The following TMEM245 variants were observed in gnomAD, a reference collection of about 807,000 sequenced individuals.
TMEM245 encodes the protein transmembrane protein 245, also known as protein CG-2.
In TMEM245, 69 loss-of-function variants were observed where a neutral mutation model predicts 101.2. The ratio of observed to expected loss-of-function variants is 0.68; its 90% confidence interval spans 0.56 to 0.83. The LOEUF (loss-of-function observed/expected upper bound fraction) is 0.83. Ranked by LOEUF, TMEM245 falls within the 40% of genes least tolerant of loss-of-function variation. The pLI, the probability that TMEM245 is intolerant of heterozygous loss-of-function variation, is 0.00. For synonymous variants in TMEM245, 537 were observed against 449.8 expected (o/e 1.19, Z -2.45); for missense variants, 1,075 against 1,092.8 (o/e 0.98, Z 0.23).
At chr9:109,068,121 A>G (rs1486037398) in intron 9 of TMEM245, among the ~76,000 whole-genome samples, 1 of 152,062 alleles carries the variant, frequency 6.6e-6, no homozygotes, top group Non-Finnish European at 1.5e-5. Flanking sequence ...TAATCCCAGC[A>G]CTTTGGTAGG....
chr9:109,076,147 G>A (rs1276105665), intron 8 of TMEM245, among the ~76,000 whole-genome samples: 2 of 152,100 alleles, frequency 1.3e-5, no homozygotes, highest in East Asian at 3.8e-4. Flanking sequence ...GTCCAACAAT[G>A]ATAGACTGGA....
At chr9:109,050,164 T>C (rs1348509717) in intron 14 of TMEM245, 119 bp downstream of exon 14, 2 of 1,154,470 alleles carry the variant, frequency 1.7e-6, no homozygotes, top group African/African-American at 1.6e-5. Context: ...ACCTTGAAAA[T>C]ACCAGAGTCC....
At chr9:109,082,063 G>A (rs1324370325) in intron 7 of TMEM245, among the ~76,000 whole-genome samples, 2 of 152,252 alleles carry the variant, frequency 1.3e-5, no homozygotes, top group South Asian at 2.1e-4. Context: ...TCTTAATTTA[G>A]ATCTGATTTA....
At chr9:109,047,129 T>C (rs1299000898) in intron 14 of TMEM245, among the ~76,000 whole-genome samples, 1 of 152,190 alleles carries the variant, frequency 6.6e-6, no homozygotes, top group Non-Finnish European at 1.5e-5. Context: ...CTCATAAAAA[T>C]CTATCAATTC....
rs1208712705 is a variant in TMEM245 at position 109,019,730 on chromosome 9, T to C, written c.*730A>G. 6.6e-6 allele frequency: 1 copy of C among 152,600 alleles called. No homozygotes were observed. The highest frequency in any genetic ancestry group is 2.4e-5 in the African/African-American group (1 of 41,434). The allele number at this position is 152,600 out of a possible 1,614,324, so 9.5% of individuals were successfully genotyped here. On this transcript the variant is annotated 3_prime_UTR_variant, in exon 18 of 18. Coordinates refer to ENST00000374586, the MANE Select transcript of TMEM245 (RefSeq NM_032012.4). Reference sequence around the variant, plus strand: ...TAACAGCATGAATTTTATCATACTGTTACCATTCATAGCAGCTTAATAAGT... The same window carrying C: ...TAACAGCATGAATTTTATCATACTGCTACCATTCATAGCAGCTTAATAAGT...
At chr9:109,068,710 TACA>T (rs1389485581) in intron 9 of TMEM245, among the ~76,000 whole-genome samples, 1 of 152,162 alleles carries the variant, frequency 6.6e-6, no homozygotes, top group Non-Finnish European at 1.5e-5. Context: ...ACTTGATACC[TACA>T]ACATCTTGGA....
chr9:109,102,252 T>C (rs1276040528), intron 3 of TMEM245, among the ~76,000 whole-genome samples: 1 of 151,988 alleles, frequency 6.6e-6, no homozygotes, highest in Non-Finnish European at 1.5e-5. Context: ...CACCAAAATA[T>C]AAAATAAAAT....
At chr9:109,063,379 C>G (rs1486308577) in intron 10 of TMEM245, among the ~76,000 whole-genome samples, 1 of 152,192 alleles carries the variant, frequency 6.6e-6, no homozygotes, top group East Asian at 1.9e-4. Context: ...CCTTGGCCTC[C>G]CAAAGTGCTT....
chr9:109,024,423 G>A (rs933319360), intron 17 of TMEM245, among the ~76,000 whole-genome samples: 8 of 152,152 alleles, frequency 5.3e-5, no homozygotes, highest in Non-Finnish European at 1.0e-4. Flanking sequence ...CTTACTATGC[G>A]CCAAGCACCA....
chr9:109,021,818 C>A (rs528966100), intron 17 of TMEM245, among the ~76,000 whole-genome samples: 5 of 151,888 alleles, frequency 3.3e-5, no homozygotes, highest in Admixed American at 2.0e-4. Flanking sequence ...CACCACCCCC[C>A]CAAAAAAAGC....
chr9:109,058,468 T>C (rs1828913067), intron 11 of TMEM245, among the ~76,000 whole-genome samples: 1 of 152,114 alleles, frequency 6.6e-6, no homozygotes, highest in Admixed American at 6.5e-5. Flanking sequence ...AAAATGGCTC[T>C]CATCTGTAAT....
chr9:109,051,542 C>T (rs1262332517), intron 12 of TMEM245, among the ~76,000 whole-genome samples: 4 of 152,074 alleles, frequency 2.6e-5, no homozygotes, highest in African/African-American at 9.7e-5. Context: ...AAACTATAAA[C>T]CTTTGTAGCG....
chr9:109,066,382 G>A (rs1407645173), intron 9 of TMEM245, among the ~76,000 whole-genome samples: 1 of 143,938 alleles, frequency 6.9e-6, no homozygotes, highest in African/African-American at 2.6e-5. Context: ...TTGAGCCCAG[G>A]AGGCAGACGT....
chr9:109,064,495 T>C lies in TMEM245; in HGVS notation c.1605A>G (p.Arg535=). ...SAANNVYQYG[R]EWITHKLHKI... is the part of the protein sequence containing the mutation. The stretch of plus-strand genomic sequence containing the variant: ...CCCTTACCTTGTGAGTTATCCATTC[T>C]CGTCCATACTGATACACGTTGTTAG... Residue 535 remains arginine, a synonymous_variant, in exon 10 of 18, where the codon CGA becomes CGG. Coordinates refer to ENST00000374586, the MANE Select transcript of TMEM245 (RefSeq NM_032012.4). 1 of 1,613,538 alleles carries C rather than the reference T, an allele frequency of 6.2e-7. No homozygotes were observed. Among genetic ancestry groups the C allele is most frequent in the Non-Finnish European group, 8.5e-7 (1 of 1,179,608 alleles).
At chr9:109,037,883 T>C (rs1479095733) in intron 15 of TMEM245, 134 bp downstream of exon 15, 3 of 589,452 alleles carry the variant, frequency 5.1e-6, no homozygotes, top group Non-Finnish European at 8.9e-6. Context: ...CTGTTCCTAA[T>C]GTGGACTAGA....
At chr9:109,096,762 G>C (rs565952723) in intron 3 of TMEM245, among the ~76,000 whole-genome samples, 1 of 152,198 alleles carries the variant, frequency 6.6e-6, no homozygotes, top group African/African-American at 2.4e-5. Context: ...TTTAATTACT[G>C]AACTGGCCTC....
At chr9:109,041,428 G>A (rs7023512) in intron 14 of TMEM245, among the ~76,000 whole-genome samples, 9,580 of 147,970 alleles carry the variant, frequency 0.065, 1,062 homozygotes, top group African/African-American at 0.23. Flanking sequence ...GAAGTAGAGA[G>A]TAGGATGTGG....
chr9:109,026,853 C>T (rs1036323324), intron 17 of TMEM245, among the ~76,000 whole-genome samples: 3 of 151,854 alleles, frequency 2.0e-5, no homozygotes, highest in African/African-American at 7.3e-5. Context: ...TTTAGAAGAG[C>T]CTGTCATCTC....
intron 3 of TMEM245, 29 bp downstream of exon 3, chr9:109,106,479 T>C: frequency 1.4e-6 from 2 of 1,394,218 alleles, no homozygotes; most frequent in South Asian, 1.4e-5. Flanking sequence ...CTTCAAAGAG[T>C]AGTATTAATA....
Sources: gnomAD v4.1 joint callset for allele counts (sites outside exome capture counted in the v4.1 genomes callset) on GRCh38, gnomAD v4.1.1 for gene constraint, MANE v1.5 for transcripts, NCBI Gene and HGNC (gene_info 2026-07-23, HGNC 2026-07-21) for gene names.